KIF5A: variants seen among roughly 807,000 people sequenced by gnomAD.
The protein encoded by KIF5A is kinesin family member 5A, also known as kinesin heavy chain isoform 5A.
KIF5A carries 35 observed loss-of-function variants against 141.3 expected under a neutral mutation model. The ratio of observed to expected loss-of-function variants is 0.25; its 90% CI spans 0.19 to 0.33. The LOEUF is 0.33. Ranked by LOEUF, KIF5A falls within the 10% of genes least tolerant of loss-of-function variation. KIF5A has a pLI of 1.00. For synonymous variants in KIF5A, 448 were observed against 500.2 expected (o/e 0.90, Z 1.39); for missense variants, 861 against 1,314.3 (o/e 0.66, Z 5.33).
chr12:57,581,586 T>C lies in KIF5A; in HGVS notation c.2909+18T>C, dbSNP rs1466682039. ...GATATGTAGTGAGTGACCACACGTG[T>C]GGGTTGGAGTCCCACCCAAAGCTCC... On this transcript the variant is annotated intron_variant, in intron 25 of 28. Coordinates refer to ENST00000455537, the MANE Select transcript of KIF5A (RefSeq NM_004984.4). The C allele has an allele frequency of 6.2e-7, 1 of 1,613,452 alleles. No individual in the cohort carries two copies. The highest frequency in any genetic ancestry group is 8.5e-7 in the Non-Finnish European group (1 of 1,179,974).
At position 57,575,764 on chromosome 12, in the gene KIF5A, C is replaced by T. The variant is rs757331201; in HGVS notation, c.2023+7C>T. ...GCCAAGCTCCAGGCCCAGGGTGAGGCCTTCTTATACCTCCATCCCACTGTC... is the reference window on the plus strand; with the variant it reads ...GCCAAGCTCCAGGCCCAGGGTGAGGTCTTCTTATACCTCCATCCCACTGTC... On this transcript the variant is annotated splice_region_variant and intron_variant, in intron 17 of 28. Transcript: ENST00000455537. 3.8e-6 allele frequency: 6 copies of T among 1,560,996 alleles called. No individual in the cohort carries two copies. The African/African-American group carries it at 8.1e-5, about 21-fold the overall frequency.
chr12:57,581,826 G>A (rs1335930672), intron 25 of KIF5A, 44 bp from the exon 26 acceptor site: 11 of 1,531,708 alleles, frequency 7.2e-6, no homozygotes, highest in African/African-American at 1.4e-5. Flanking sequence ...CAGACTAGTG[G>A]AGGGTGGGTG....
At chr12:57,559,720 G>A (rs1055509808) in intron 1 of KIF5A, among the ~76,000 whole-genome samples, 1 of 152,030 alleles carries the variant, frequency 6.6e-6, no homozygotes, top group Admixed American at 6.6e-5. Flanking sequence ...TACCACAATA[G>A]CAGGTAGCTG....
chr12:57,564,036 C>T, intron 3 of KIF5A, 72 bp from the exon 4 acceptor site: 1 of 1,055,722 alleles, frequency 9.5e-7, no homozygotes, highest in Non-Finnish European at 1.5e-6. Context: ...CCTTGGTGTT[C>T]ACCTGCATAC....
Position 57,575,085 on chromosome 12 carries a change from C to T in KIF5A, c.1718C>T (p.Pro573Leu). 1 of 1,614,050 alleles carries T rather than the reference C, an allele frequency of 6.2e-7. No homozygotes were observed. Among genetic ancestry groups the T allele is most frequent in the Non-Finnish European group, 8.5e-7 (1 of 1,179,948 alleles). The change falls in exon 16 of 29, where the codon CCA becomes CTA. Residue 573 changes from proline (P) to leucine (L), a missense_variant and splice_region_variant. Physicochemically the swap from Pro to Leu is moderately conservative, Grantham distance 98. Coordinates refer to ENST00000455537, the MANE Select transcript of KIF5A (RefSeq NM_004984.4). ...VIVGNGEIKLPVEISGAIEEE... is the reference protein window; with the variant it reads ...VIVGNGEIKLLVEISGAIEEE... The stretch of plus-strand genomic sequence containing the variant: ...CTCTTCCTCCTTTAATCACCTTAGC[C>T]AGTGGAGATCAGTGGGGCCATCGAG...
rs1252560728 is a variant in KIF5A at position 57,571,485 on chromosome 12, G to A, written c.1362+96G>A. Reference sequence around the variant, plus strand: ...TTTTTAAAATCAGATGGAAGAAGGCGCTTTCTGCTTGGGGATTAATCACTC... The same window carrying A: ...TTTTTAAAATCAGATGGAAGAAGGCACTTTCTGCTTGGGGATTAATCACTC... On this transcript the variant is annotated intron_variant, in intron 13 of 28. Transcript: ENST00000455537. 15 of 1,267,850 alleles carry A rather than the reference G, an allele frequency of 1.2e-5. No individual in the cohort carries two copies. The Admixed American group carries it at 1.4e-4, about 12-fold the overall frequency. The allele number at this position is 1,267,850 out of a possible 1,614,324, so 78.5% of individuals were successfully genotyped here.
intron 1 of KIF5A, among the ~76,000 whole-genome samples, chr12:57,558,100 T>A (rs1881799591): frequency 6.6e-6 from 1 of 152,202 alleles, no homozygotes; most frequent in African/African-American, 2.4e-5. Context: ...TATACATCCA[T>A]TCTGCACCTT....
In KIF5A at chr12:57,563,553, C is replaced by G. The variant is rs749958048; in HGVS notation, c.217+27C>G. On this transcript the variant is annotated intron_variant, in intron 2 of 28. Coordinates refer to ENST00000455537, the MANE Select transcript of KIF5A (RefSeq NM_004984.4). ...TAATAGATTTCTTTTTAGAATGTCT[C>G]TTCTCAGCACCCCATTTCCTACCCG... 4 of 1,606,572 alleles carry G rather than the reference C, an allele frequency of 2.5e-6. No individual in the cohort carries two copies. In the South Asian group the frequency reaches 4.4e-5, roughly 18 times the overall value.
chr12:57,577,146 C>T (rs1330354062), intron 20 of KIF5A, among the ~76,000 whole-genome samples: 1 of 152,132 alleles, frequency 6.6e-6, no homozygotes, highest in East Asian at 1.9e-4. Flanking sequence ...GATATGTAGG[C>T]ATAGAAAAAA....
At position 57,563,763 on chromosome 12, in the gene KIF5A, G is replaced by A. The variant is rs1881981842; in HGVS notation, c.291+70G>A. The A allele has an allele frequency of 2.9e-6, 4 of 1,374,292 alleles. No individual in the cohort carries two copies. In the South Asian group the frequency reaches 3.5e-5, roughly 12 times the overall value. 85.1% of individuals were successfully genotyped at this position (1,374,292 alleles called of 1,614,324 possible). On this transcript the variant is annotated intron_variant, in intron 3 of 28. Transcript: ENST00000455537. ...GGAAGATCAGGGAATCTCAGTGGGG[G>A]AAGGTCTAGGAATCAAGGATTGCCT...
intron 1 of KIF5A, among the ~76,000 whole-genome samples, chr12:57,558,231 C>A (rs1881804232): frequency 6.6e-6 from 1 of 151,770 alleles, no homozygotes; most frequent in South Asian, 2.1e-4. Flanking sequence ...ATGGTGAAAC[C>A]CCATCTCTAC....
rs937035130 is a variant in KIF5A, at chr12:57,579,188, G to A, written c.2538+846G>A. On this transcript the variant is annotated intron_variant, in intron 23 of 28. Coordinates refer to ENST00000455537, the MANE Select transcript of KIF5A (RefSeq NM_004984.4). ...TCCTTGCTGTTGCGGTTCTTTAGGT[G>A]GATGACTGGGTTTCAAAGGTATGGG... Among the ~76,000 whole-genome samples, 6 of 152,068 alleles carry A rather than the reference G, an allele frequency of 3.9e-5. No individual in the cohort carries two copies. Among genetic ancestry groups the A allele is most frequent in the Non-Finnish European group, 7.4e-5 (5 of 68,018 alleles).
At position 57,550,224 on chromosome 12, in the gene KIF5A, C is replaced by T. The variant is rs947640945; in HGVS notation, c.-48C>T. The stretch of plus-strand genomic sequence containing the variant: ...AGAGCCCTCTCCTCTGGAGCACACA[C>T]CACCCCTGCAGCCCAAGAAGAGTCC... On this transcript the variant is annotated 5_prime_UTR_variant, in exon 1 of 29. Transcript: ENST00000455537. The surrounding 1 kb of genome is among the most constrained non-coding windows in gnomAD (Gnocchi z 4.6). 1.9e-6 allele frequency: 3 copies of T among 1,612,474 alleles called. No homozygotes were observed. The highest frequency in any genetic ancestry group is 2.2e-5 in the South Asian group (2 of 91,046).
chr12:57,558,472 A>C (rs10783831), intron 1 of KIF5A, among the ~76,000 whole-genome samples: 1 of 152,018 alleles, frequency 6.6e-6, no homozygotes, highest in Non-Finnish European at 1.5e-5. Context: ...TCAGGAGTTC[A>C]AGACCAGCCT....
At chr12:57,583,732 G>A (rs777841826) in intron 28 of KIF5A, among the ~76,000 whole-genome samples, 2 of 152,144 alleles carry the variant, frequency 1.3e-5, no homozygotes, top group Non-Finnish European at 2.9e-5. Context: ...TTTAGGAAAC[G>A]CCCCACGAAA....
chr12:57,576,701 T>C, intron 19 of KIF5A, 60 bp from the exon 20 acceptor site: 1 of 1,261,320 alleles, frequency 7.9e-7, no homozygotes, highest in Non-Finnish European at 1.2e-6. Flanking sequence ...GAGCTGGCCT[T>C]CCCTTCCCCC....
chr12:57,555,569 C>T (rs907506183), intron 1 of KIF5A, among the ~76,000 whole-genome samples: 6 of 150,770 alleles, frequency 4.0e-5, no homozygotes, highest in African/African-American at 1.5e-4. Context: ...CCAGCCTGGG[C>T]AACAGAGCAA....
Position 57,569,700 on chromosome 12 carries a change from T to G in KIF5A, c.1117+17T>G, listed in dbSNP as rs1594917403. 1 of 1,611,924 alleles carries G rather than the reference T, an allele frequency of 6.2e-7. No individual in the cohort carries two copies. ...GGCGCAATGGTTAGAGAGGGATAGG[T>G]GGGAGTGAGGGGCAGTGGGAAGAGG... On this transcript the variant is annotated intron_variant, in intron 11 of 28. Coordinates refer to ENST00000455537, the MANE Select transcript of KIF5A (RefSeq NM_004984.4).
Position 57,550,100 on chromosome 12 carries a change from G to C in KIF5A, c.-172G>C, listed in dbSNP as rs1881519496. 1 of 814,580 alleles carries C rather than the reference G, an allele frequency of 1.2e-6. No homozygotes were observed. The highest frequency in any genetic ancestry group is 1.7e-5 in the African/African-American group (1 of 58,588). The allele number at this position is 814,580 out of a possible 1,614,324, so 50.5% of individuals were successfully genotyped here. A position where few individuals can be genotyped will look rare whatever the true frequency, so the allele number is the denominator to read the frequency against. On this transcript the variant is annotated 5_prime_UTR_variant, in exon 1 of 29. Transcript: ENST00000455537. The surrounding 1 kb of genome is among the most constrained non-coding windows in gnomAD (Gnocchi z 4.6). ...GCCCGCATCCCGCTGCCGCAGGAGAGAGACAGCGCGCCCCGGCCCTGCTCC... is the reference window on the plus strand; with the variant it reads ...GCCCGCATCCCGCTGCCGCAGGAGACAGACAGCGCGCCCCGGCCCTGCTCC...
Sources: gnomAD v4.1 joint callset for allele counts (sites outside exome capture counted in the v4.1 genomes callset) on GRCh38, gnomAD v4.1.1 for gene constraint, Gnocchi (gnomAD v3.1) non-coding constraint, MANE v1.5 for transcripts, NCBI Gene and HGNC (gene_info 2026-07-23, HGNC 2026-07-21) for gene names.